Variants in ZNF804B observed in about 807,000 individuals in gnomAD.
ZNF804B encodes zinc finger 804B.
Under a neutral mutation model 101.4 loss-of-function variants are expected in ZNF804B, and 80 were observed. That is an observed-to-expected ratio of 0.79 (90% CI 0.66 to 0.95). The LOEUF is 0.95. Among genes scored for constraint, ZNF804B ranks in the 40% least tolerant of loss-of-function variants. ZNF804B has a pLI of 0.00. For missense variants in ZNF804B, 1,673 were observed against 1,561.9 expected (o/e 1.07, Z -1.20); for synonymous variants, 622 against 558.8 (o/e 1.11, Z -1.59).
chr7:89,196,724 C>G (rs905678428), intron 1 of ZNF804B, among the ~76,000 whole-genome samples: 1 of 151,748 alleles, frequency 6.6e-6, no homozygotes, highest in Middle Eastern at 3.4e-3. Flanking sequence ...GCAATCTATC[C>G]ATCCAAAAAA....
chr7:88,763,311 T>C (rs1789925971), intron 1 of ZNF804B, among the ~76,000 whole-genome samples: 1 of 152,186 alleles, frequency 6.6e-6, no homozygotes, highest in African/African-American at 2.4e-5. Flanking sequence ...CTTAATGAGT[T>C]ATTTGAGAAA....
At chr7:88,896,546 T>C (rs1016807) in intron 1 of ZNF804B, among the ~76,000 whole-genome samples, 72,184 of 151,986 alleles carry the variant, frequency 0.47, 19,771 homozygotes, top group African/African-American at 0.76. Context: ...TTTATTTTTA[T>C]ATTCATGTAT....
At chr7:88,864,199 A>T (rs1345601558) in intron 1 of ZNF804B, among the ~76,000 whole-genome samples, 1 of 152,166 alleles carries the variant, frequency 6.6e-6, no homozygotes, top group Non-Finnish European at 1.5e-5. Flanking sequence ...ATGTCTTGAG[A>T]GTAGGGACTA....
intron 1 of ZNF804B, among the ~76,000 whole-genome samples, chr7:88,815,712 G>C (rs1267319897): frequency 2.0e-5 from 3 of 151,964 alleles, no homozygotes; most frequent in Admixed American, 1.3e-4. Context: ...AGCCTGCTTA[G>C]GTTCCCACAC....
At chr7:88,872,694 C>G (rs949289438) in intron 1 of ZNF804B, among the ~76,000 whole-genome samples, 4 of 151,490 alleles carry the variant, frequency 2.6e-5, no homozygotes, top group African/African-American at 9.7e-5. Flanking sequence ...TGTTCAATTC[C>G]CACCTATGAG....
chr7:89,088,943 CCTT>C (rs1246301771), intron 1 of ZNF804B, among the ~76,000 whole-genome samples: 3 of 151,968 alleles, frequency 2.0e-5, no homozygotes, highest in East Asian at 1.9e-4. Flanking sequence ...GCAAGGCTCT[CCTT>C]CTTTATATTT....
At chr7:89,023,176 C>G (rs546017173) in intron 1 of ZNF804B, among the ~76,000 whole-genome samples, 24 of 152,146 alleles carry the variant, frequency 1.6e-4, no homozygotes, top group Non-Finnish European at 1.0e-4. Flanking sequence ...GGTGGCCACT[C>G]TAGATATTCA....
chr7:89,228,292 T>C (rs1413794136), intron 2 of ZNF804B, among the ~76,000 whole-genome samples: 7 of 152,024 alleles, frequency 4.6e-5, no homozygotes, highest in Non-Finnish European at 1.0e-4. Context: ...GCTTCCACAG[T>C]GTGGAAGGGG....
chr7:89,125,112 T>C (rs930907827), intron 1 of ZNF804B, among the ~76,000 whole-genome samples: 18 of 151,974 alleles, frequency 1.2e-4, no homozygotes, highest in African/African-American at 4.1e-4. Flanking sequence ...ACTTCTTGGC[T>C]TTTTTTCTTA....
At chr7:88,993,590 T>C (rs1057256364) in intron 1 of ZNF804B, among the ~76,000 whole-genome samples, 1 of 152,000 alleles carries the variant, frequency 6.6e-6, no homozygotes, top group Non-Finnish European at 1.5e-5. Context: ...CCAATTACTT[T>C]CTACAAAGCT....
chr7:89,104,724 C>A (rs1343801572), intron 1 of ZNF804B, among the ~76,000 whole-genome samples: 2 of 151,808 alleles, frequency 1.3e-5, no homozygotes, highest in Non-Finnish European at 2.9e-5. Context: ...TGGGATGAGT[C>A]CTTTGATTCT....
chr7:88,873,300 C>T (rs551859049), intron 1 of ZNF804B, among the ~76,000 whole-genome samples: 1 of 152,288 alleles, frequency 6.6e-6, no homozygotes, highest in South Asian at 2.1e-4. Context: ...GTCCTTTGCA[C>T]ACTTTTTGAT....
intron 1 of ZNF804B, among the ~76,000 whole-genome samples, chr7:89,176,231 T>C (rs1791316331): frequency 1.3e-5 from 2 of 151,994 alleles, no homozygotes; most frequent in South Asian, 4.1e-4. Context: ...GGGTCTGTCA[T>C]ATACAGCTTT....
intron 1 of ZNF804B, among the ~76,000 whole-genome samples, chr7:88,788,201 G>A (rs1159952037): frequency 6.6e-6 from 1 of 152,054 alleles, no homozygotes; most frequent in East Asian, 1.9e-4. Flanking sequence ...GAGGCCAGGT[G>A]GAATTTGGTG....
chr7:88,862,451 A>C (rs975427732), intron 1 of ZNF804B, among the ~76,000 whole-genome samples: 1 of 152,214 alleles, frequency 6.6e-6, no homozygotes, highest in African/African-American at 2.4e-5. Context: ...AGGAAGACAG[A>C]ATGGAAAATT....
intron 1 of ZNF804B, among the ~76,000 whole-genome samples, chr7:89,204,220 T>C (rs1483208312): frequency 6.6e-6 from 1 of 152,208 alleles, no homozygotes; most frequent in Non-Finnish European, 1.5e-5. Flanking sequence ...TTACAATAAG[T>C]AGCTACATCA....
At chr7:89,006,090 A>G (rs1298652495) in intron 1 of ZNF804B, among the ~76,000 whole-genome samples, 1 of 152,150 alleles carries the variant, frequency 6.6e-6, no homozygotes, top group Non-Finnish European at 1.5e-5. Context: ...ATCATGCAAC[A>G]GTATAGCTGA....
intron 2 of ZNF804B, among the ~76,000 whole-genome samples, chr7:89,268,426 A>T (rs1584093427): frequency 6.6e-6 from 1 of 152,132 alleles, no homozygotes; most frequent in South Asian, 2.1e-4. Flanking sequence ...AGACTTCTTT[A>T]GAGTCTCTTC....
At chr7:89,234,290 C>T (rs1789245413) in intron 2 of ZNF804B, among the ~76,000 whole-genome samples, 1 of 151,224 alleles carries the variant, frequency 6.6e-6, no homozygotes. Context: ...TGTGGTCAAC[C>T]CCCTTTTCTT....
Sources: allele counts gnomAD v4.1 joint callset (sites outside exome capture counted in the v4.1 genomes callset), GRCh38; gene constraint gnomAD v4.1.1; transcripts MANE v1.5; gene names NCBI Gene and HGNC (gene_info 2026-07-23, HGNC 2026-07-21).